PRKG1: variants seen among roughly 807,000 people sequenced by gnomAD.
PRKG1 encodes protein kinase cGMP-dependent 1, also known as cGMP-dependent protein kinase 1.
In PRKG1, 35 loss-of-function variants were observed where a neutral mutation model predicts 88.1. The observed-to-expected ratio is 0.40, with a 90% CI of 0.30 to 0.53. The LOEUF is 0.53. Ranked by LOEUF, PRKG1 falls within the 20% of genes least tolerant of loss-of-function variation. The pLI is 0.59. For synonymous variants in PRKG1, 303 were observed against 292.5 expected, an observed-to-expected ratio of 1.04 and a Z score of -0.37; for missense variants, 540 against 839.8, an observed-to-expected ratio of 0.64 and a Z score of 4.41.
intron 5 of PRKG1, chr10:51,907,838 G>T (rs1009394110): frequency 5.8e-6 from 2 of 345,018 alleles, no homozygotes; most frequent in Non-Finnish European, 1.0e-5. Context: ...TACTAGAATA[G>T]GAACTGGCAT....
At chr10:51,885,029 C>T (rs1183242792) in intron 4 of PRKG1, among the ~76,000 whole-genome samples, 2 of 152,122 alleles carry the variant, frequency 1.3e-5, no homozygotes, top group Non-Finnish European at 2.9e-5. Flanking sequence ...TGAAAGAATC[C>T]TTCACTTTCT....
intron 1 of PRKG1, among the ~76,000 whole-genome samples, chr10:51,105,658 C>T (rs1844814671): frequency 2.0e-5 from 3 of 152,044 alleles, no homozygotes; most frequent in Admixed American, 2.0e-4. Context: ...TTATCCTAAA[C>T]CTGGAGAGTG....
At chr10:52,067,888 C>T (rs1846392530) in intron 7 of PRKG1, among the ~76,000 whole-genome samples, 1 of 152,088 alleles carries the variant, frequency 6.6e-6, no homozygotes, top group Non-Finnish European at 1.5e-5. Flanking sequence ...TCCATCTATA[C>T]TTTGACTTAC....
chr10:51,746,567 C>G (rs971859871), intron 3 of PRKG1, among the ~76,000 whole-genome samples: 1 of 151,590 alleles, frequency 6.6e-6, no homozygotes, highest in Non-Finnish European at 1.5e-5. Context: ...ACTAAAAATA[C>G]AAAAAATTAG....
intron 2 of PRKG1, among the ~76,000 whole-genome samples, chr10:51,401,313 C>T (rs1056118235): frequency 3.3e-5 from 5 of 152,160 alleles, no homozygotes; most frequent in African/African-American, 9.7e-5. Context: ...AATAGACACA[C>T]GTGGCTAGTG....
intron 3 of PRKG1, among the ~76,000 whole-genome samples, chr10:51,732,004 C>T (rs561570117): frequency 9.2e-5 from 13 of 142,074 alleles, no homozygotes; most frequent in South Asian, 2.3e-4. Context: ...TCTCCCCCTC[C>T]GCCCCCGTCC....
At chr10:51,982,669 A>G (rs1246072915) in intron 5 of PRKG1, among the ~76,000 whole-genome samples, 1 of 152,100 alleles carries the variant, frequency 6.6e-6, no homozygotes, top group East Asian at 1.9e-4. Flanking sequence ...CCTTGAGATT[A>G]GGAATCCATT....
intron 1 of PRKG1, among the ~76,000 whole-genome samples, chr10:51,016,549 A>G (rs1031498213): frequency 6.6e-5 from 10 of 152,064 alleles, no homozygotes; most frequent in Non-Finnish European, 1.2e-4. Flanking sequence ...CTAATAGGCA[A>G]TACTTTTGAG....
intron 4 of PRKG1, among the ~76,000 whole-genome samples, chr10:51,857,051 A>G (rs1030826976): frequency 8.5e-5 from 13 of 152,206 alleles, no homozygotes; most frequent in South Asian, 2.1e-4. Flanking sequence ...TGCAACTTCA[A>G]TTGTGACTGG....
At chr10:51,226,294 G>A (rs1334610705) in intron 2 of PRKG1, among the ~76,000 whole-genome samples, 1 of 152,178 alleles carries the variant, frequency 6.6e-6, no homozygotes, top group Non-Finnish European at 1.5e-5. Context: ...AGAAAAAGTT[G>A]ATTACTAAGA....
rs1457587250 is a variant in PRKG1 at position 52,068,145 on chromosome 10, G to A, written c.935+5514G>A. 8.1e-5 allele frequency among the ~76,000 whole-genome samples: 11 copies of A among 135,808 alleles called. 2 individuals carry two copies. The highest frequency in any genetic ancestry group is 1.6e-4 in the Non-Finnish European group (10 of 63,234). The allele number at this position is 135,808 out of a possible 152,430, so 89.1% of individuals were successfully genotyped here. A position where few individuals can be genotyped will look rare whatever the true frequency, so the allele number is the denominator to read the frequency against. On this transcript the variant is annotated intron_variant, in intron 7 of 17. Coordinates refer to ENST00000373980, the MANE Select transcript of PRKG1 (RefSeq NM_006258.4). Reference sequence around the variant, plus strand: ...GTGAACCCGGGAGGCGGAGCTTGCAGTGAGTCGAGATCGCGCCACTGCACT... The same window carrying A: ...GTGAACCCGGGAGGCGGAGCTTGCAATGAGTCGAGATCGCGCCACTGCACT...
chr10:52,211,461 T>C (rs949021561), intron 9 of PRKG1, among the ~76,000 whole-genome samples: 5 of 152,206 alleles, frequency 3.3e-5, no homozygotes, highest in Non-Finnish European at 7.4e-5. Flanking sequence ...AGGTTTTGTT[T>C]GCGAGTTCAA....
At chr10:51,623,252 G>A (rs1275208176) in intron 3 of PRKG1, among the ~76,000 whole-genome samples, 1 of 152,186 alleles carries the variant, frequency 6.6e-6, no homozygotes, top group Non-Finnish European at 1.5e-5. Flanking sequence ...CCAGGCTGGA[G>A]TGCAGTGGTG....
At chr10:52,250,856 A>G (rs961327650) in intron 9 of PRKG1, among the ~76,000 whole-genome samples, 1 of 152,148 alleles carries the variant, frequency 6.6e-6, no homozygotes, top group African/African-American at 2.4e-5. Flanking sequence ...TTGGAATAGC[A>G]GTCCATGCTT....
intron 3 of PRKG1, among the ~76,000 whole-genome samples, chr10:51,610,755 G>C (rs561218079): frequency 1.3e-5 from 2 of 152,112 alleles, no homozygotes; most frequent in Admixed American, 1.3e-4. Context: ...CAGGGATAAA[G>C]CTGGAAGCCA....
At chr10:52,187,630 A>G (rs896597202) in intron 9 of PRKG1, among the ~76,000 whole-genome samples, 10 of 152,346 alleles carry the variant, frequency 6.6e-5, no homozygotes, top group African/African-American at 2.4e-4. Context: ...AATAAAGGGC[A>G]TGACATTCTT....
intron 3 of PRKG1, among the ~76,000 whole-genome samples, chr10:51,582,387 T>C (rs1056437318): frequency 6.6e-6 from 1 of 152,130 alleles, no homozygotes; most frequent in Non-Finnish European, 1.5e-5. Context: ...TAGGTAAACG[T>C]GTACCATGGT....
At chr10:51,380,254 G>A (rs1183382980) in intron 2 of PRKG1, among the ~76,000 whole-genome samples, 1 of 152,134 alleles carries the variant, frequency 6.6e-6, no homozygotes, top group Non-Finnish European at 1.5e-5. Flanking sequence ...GTTTGCAAAA[G>A]AAAATTGCTA....
At chr10:51,158,683 AT>A (rs1288297476) in intron 2 of PRKG1, among the ~76,000 whole-genome samples, 2 of 151,868 alleles carry the variant, frequency 1.3e-5, no homozygotes, top group African/African-American at 2.4e-5. Context: ...AATGGCTATG[AT>A]TTGGCTTAAT....
Sources: gnomAD v4.1 joint callset for allele counts (sites outside exome capture counted in the v4.1 genomes callset) on GRCh38, gnomAD v4.1.1 for gene constraint, MANE v1.5 for transcripts, NCBI Gene and HGNC (gene_info 2026-07-23, HGNC 2026-07-21) for gene names.